The following PCDH15 variants were observed in gnomAD, a reference collection of about 807,000 sequenced individuals.
The protein encoded by PCDH15 is protocadherin-15.
A neutral mutation model predicts 178.5 loss-of-function variants in PCDH15; 129 were observed. The ratio of observed to expected loss-of-function variants is 0.72; its 90% confidence interval spans 0.63 to 0.84. The LOEUF is 0.84. Among genes scored for constraint, PCDH15 ranks in the 40% least tolerant of loss-of-function variants. PCDH15 has a pLI of 0.00. For synonymous variants in PCDH15, 800 were observed against 732.0 expected, an observed-to-expected ratio of 1.09 and a Z score of -1.50; for missense variants, 2,230 against 2,099.9, an observed-to-expected ratio of 1.06 and a Z score of -1.21.
chr10:54,922,539 AAGACT>A (rs1837522002), intron 2 of PCDH15, among the ~76,000 whole-genome samples: 4 of 152,042 alleles, frequency 2.6e-5, no homozygotes, highest in Non-Finnish European at 1.5e-5. Context: ...GGAAAGAATT[AAGACT>A]TTGGGGGATT....
intron 24 of PCDH15, among the ~76,000 whole-genome samples, chr10:53,940,032 A>G (rs2085915713): frequency 6.6e-6 from 1 of 152,170 alleles, no homozygotes; most frequent in Non-Finnish European, 1.5e-5. Flanking sequence ...GGGCAGCAAT[A>G]CCTAGTAATA....
At chr10:55,509,487 G>C (rs1840832623) in intron 2 of PCDH15, among the ~76,000 whole-genome samples, 1 of 151,774 alleles carries the variant, frequency 6.6e-6, no homozygotes, top group African/African-American at 2.4e-5. Flanking sequence ...CAAGGTTATA[G>C]TTACTAATCA....
At chr10:53,849,956 A>G (rs2078251711) in intron 28 of PCDH15, among the ~76,000 whole-genome samples, 1 of 151,856 alleles carries the variant, frequency 6.6e-6, no homozygotes, top group Non-Finnish European at 1.5e-5. Flanking sequence ...ACCTTAATAT[A>G]CGTGAAATAT....
chr10:55,600,398 G>A (rs1409777453), intron 2 of PCDH15, among the ~76,000 whole-genome samples: 1 of 151,858 alleles, frequency 6.6e-6, no homozygotes, highest in Non-Finnish European at 1.5e-5. Flanking sequence ...TGACCTTGGA[G>A]CATAATTCAA....
At chr10:54,768,335 A>C (rs567167143) in intron 1 of PCDH15, among the ~76,000 whole-genome samples, 3 of 152,136 alleles carry the variant, frequency 2.0e-5, no homozygotes, top group Non-Finnish European at 4.4e-5. Context: ...GAACAGGACT[A>C]CAAGAGTTCT....
chr10:55,384,044 A>G (rs1250063043), intron 2 of PCDH15, among the ~76,000 whole-genome samples: 2 of 152,228 alleles, frequency 1.3e-5, no homozygotes, highest in Non-Finnish European at 2.9e-5. Context: ...TTAAGACAGT[A>G]TACTTAAAAA....
chr10:53,954,382 C>A (rs1167216739), intron 23 of PCDH15, among the ~76,000 whole-genome samples: 2 of 152,094 alleles, frequency 1.3e-5, no homozygotes, highest in Non-Finnish European at 2.9e-5. Context: ...ACCAATAGAA[C>A]AACATAGAAG....
intron 2 of PCDH15, among the ~76,000 whole-genome samples, chr10:55,385,138 C>T (rs909578486): frequency 1.3e-5 from 2 of 151,932 alleles, no homozygotes; most frequent in Non-Finnish European, 2.9e-5. Flanking sequence ...TAAATGATTC[C>T]ATATACATAA....
At chr10:54,565,186 T>C (rs1202427807) in intron 2 of PCDH15, among the ~76,000 whole-genome samples, 1 of 152,234 alleles carries the variant, frequency 6.6e-6, no homozygotes, top group Non-Finnish European at 1.5e-5. Context: ...TACCACCTAA[T>C]ATTCAAACAT....
chr10:54,864,484 C>T (rs554934181), intron 3 of PCDH15, among the ~76,000 whole-genome samples: 25 of 152,114 alleles, frequency 1.6e-4, no homozygotes, highest in Non-Finnish European at 1.8e-4. Context: ...TACAGGGAAA[C>T]TTATATCAAG....
At chr10:53,952,948 A>G (rs752266292) in intron 23 of PCDH15, among the ~76,000 whole-genome samples, 1 of 152,232 alleles carries the variant, frequency 6.6e-6, no homozygotes, top group Non-Finnish European at 1.5e-5. Flanking sequence ...GAGGCCAGGC[A>G]TTGGGAGAAC....
At chr10:53,995,552 CAG>C in intron 21 of PCDH15, 95 bp downstream of exon 21, 2 of 1,607,438 alleles carry the variant, frequency 1.2e-6, no homozygotes, top group Non-Finnish European at 1.7e-6. Flanking sequence ...GTGAAATTTA[CAG>C]AGACTACTTT....
intron 3 of PCDH15, among the ~76,000 whole-genome samples, chr10:54,520,487 A>G (rs2138171825): frequency 6.6e-6 from 1 of 152,286 alleles, no homozygotes; most frequent in Non-Finnish European, 1.5e-5. Flanking sequence ...TGGCCATCAG[A>G]GAAATGCAAA....
chr10:55,546,830 C>T (rs1321515576), intron 2 of PCDH15, among the ~76,000 whole-genome samples: 5 of 151,702 alleles, frequency 3.3e-5, no homozygotes, highest in African/African-American at 9.7e-5. Context: ...GATGAACAGA[C>T]GGAATTAGAA....
At chr10:54,375,887 A>G (rs1948346702) in intron 4 of PCDH15, among the ~76,000 whole-genome samples, 1 of 138,550 alleles carries the variant, frequency 7.2e-6, no homozygotes. Context: ...CGGAATATAT[A>G]TATATATATA....
At chr10:54,520,386 A>G (rs2082718289) in intron 3 of PCDH15, among the ~76,000 whole-genome samples, 2 of 152,174 alleles carry the variant, frequency 1.3e-5, no homozygotes, top group Non-Finnish European at 2.9e-5. Context: ...AAACAACCCC[A>G]TCAAAAAGTG....
chr10:55,356,785 CAAAT>C (rs1845091010), intron 2 of PCDH15, among the ~76,000 whole-genome samples: 1 of 151,960 alleles, frequency 6.6e-6, no homozygotes, highest in South Asian at 2.1e-4. Context: ...CTGAGACAGA[CAAAT>C]AAGTAACATT....
intron 1 of PCDH15, among the ~76,000 whole-genome samples, chr10:54,690,148 C>T (rs2095092510): frequency 6.6e-6 from 1 of 152,112 alleles, no homozygotes; most frequent in South Asian, 2.1e-4. Flanking sequence ...GCTGTCATAA[C>T]ATTATAACAC....
At chr10:55,602,609 C>CA (rs1843113683) in intron 2 of PCDH15, among the ~76,000 whole-genome samples, 1 of 152,128 alleles carries the variant, frequency 6.6e-6, no homozygotes, top group Non-Finnish European at 1.5e-5. Flanking sequence ...AACTGGGAGG[C>CA]ACCCCCCAGC....
Sources: gnomAD v4.1 joint callset for allele counts (sites outside exome capture counted in the v4.1 genomes callset) on GRCh38, gnomAD v4.1.1 for gene constraint, MANE v1.5 for transcripts, NCBI Gene and HGNC (gene_info 2026-07-23, HGNC 2026-07-21) for gene names.